The following ME1 variants were observed in gnomAD, a reference collection of about 807,000 sequenced individuals.
ME1 encodes the protein NADP-dependent malic enzyme.
ME1 carries 74 observed loss-of-function variants against 66.4 expected under a neutral mutation model. The ratio of observed to expected loss-of-function variants is 1.11; its 90% CI spans 0.92 to 1.35. ME1 has a LOEUF of 1.35. Among genes scored for constraint, ME1 ranks in the 40% most tolerant of loss-of-function variants. ME1 has a pLI of 0.00. For missense variants in ME1, 750 were observed against 694.1 expected, an observed-to-expected ratio of 1.08 and a Z score of -0.90; for synonymous variants, 251 against 235.6, an observed-to-expected ratio of 1.07 and a Z score of -0.60.
intron 3 of ME1, among the ~76,000 whole-genome samples, chr6:83,375,467 T>C (rs976490782): frequency 6.6e-6 from 1 of 152,198 alleles, no homozygotes; most frequent in African/African-American, 2.4e-5. Context: ...TTGCTGCAGT[T>C]GCTTACCAGC....
At chr6:83,384,907 T>C (rs1036982925) in intron 3 of ME1, among the ~76,000 whole-genome samples, 6 of 151,958 alleles carry the variant, frequency 3.9e-5, no homozygotes, top group Non-Finnish European at 5.9e-5. Context: ...TTTGTTATTG[T>C]TGACTTTGTC....
intron 5 of ME1, among the ~76,000 whole-genome samples, chr6:83,322,662 G>A (rs1175738016): frequency 6.6e-6 from 1 of 152,188 alleles, no homozygotes; most frequent in African/African-American, 2.4e-5. Context: ...TATGTGAAAA[G>A]GCCAAACTGA....
At chr6:83,233,740 T>C (rs60675658) in intron 9 of ME1, among the ~76,000 whole-genome samples, 15,495 of 151,506 alleles carry the variant, frequency 0.1, 1,036 homozygotes, top group East Asian at 0.25. Context: ...ATAAAATTAT[T>C]ATTATTGGTT....
intron 9 of ME1, among the ~76,000 whole-genome samples, chr6:83,230,548 T>C (rs1237202302): frequency 1.3e-5 from 2 of 152,142 alleles, no homozygotes; most frequent in African/African-American, 2.4e-5. Flanking sequence ...AAGAGCTCTA[T>C]GCTAGTTGTT....
chr6:83,218,491 G>A (rs2300464), intron 12 of ME1, among the ~76,000 whole-genome samples: 28,937 of 152,026 alleles, frequency 0.19, 3,844 homozygotes, highest in African/African-American at 0.36. Flanking sequence ...GACAGACAGG[G>A]TGGCTGTAAG....
Position 83,215,019 on chromosome 6 carries a change from T to C in ME1, c.1548+1479A>G, listed in dbSNP as rs1241760812. 2.0e-5 allele frequency among the ~76,000 whole-genome samples: 3 copies of C among 152,356 alleles called. No homozygotes were observed. In the East Asian group the frequency reaches 5.8e-4, roughly 29 times the overall value. Reference sequence around the variant, plus strand: ...AAATGAACTTAAAATGATAATATGCTATTCAGTATATTAATAGTTTAAACT... The same window carrying C: ...AAATGAACTTAAAATGATAATATGCCATTCAGTATATTAATAGTTTAAACT... On this transcript the variant is annotated intron_variant, in intron 13 of 13. Coordinates refer to ENST00000369705, the MANE Select transcript of ME1 (RefSeq NM_002395.6).
chr6:83,283,828 T>C (rs1291896086), intron 6 of ME1, among the ~76,000 whole-genome samples: 2 of 152,036 alleles, frequency 1.3e-5, no homozygotes, highest in South Asian at 2.1e-4. Context: ...CTAGAGGAAC[T>C]AGAGGAACAA....
chr6:83,424,096 C>CAA (rs34763202), intron 1 of ME1, among the ~76,000 whole-genome samples: 18 of 114,940 alleles, frequency 1.6e-4, no homozygotes, highest in African/African-American at 4.8e-4. Context: ...GACCCTGTCT[C>CAA]AAAAAAAAAA....
chr6:83,212,018 G>A lies in ME1; in HGVS notation c.1625C>T (p.Ser542Phe), dbSNP rs1486325868. 1.2e-6 allele frequency: 2 copies of A among 1,613,164 alleles called. No individual in the cohort carries two copies. The highest frequency in any genetic ancestry group is 1.1e-5 in the South Asian group (1 of 90,986). ...GTCATAATCAGTACTATACATCTGG[G>A]AGCGGACAAATGCTTCTTTGTTTTG... ...EPQNKEAFVR[S>F]QMYSTDYDQI... The change falls in exon 14 of 14, where the codon TCC (serine) becomes TTC (phenylalanine). Residue 542 changes from serine (S) to phenylalanine (F), a missense_variant. Coordinates refer to ENST00000369705, the MANE Select transcript of ME1 (RefSeq NM_002395.6).
intron 6 of ME1, among the ~76,000 whole-genome samples, chr6:83,312,008 C>T (rs1039334440): frequency 1.8e-4 from 28 of 152,048 alleles, no homozygotes; most frequent in African/African-American, 5.6e-4. Flanking sequence ...TGCTCAGCTT[C>T]CGAACCTGAG....
intron 6 of ME1, among the ~76,000 whole-genome samples, chr6:83,257,179 C>T (rs994586703): frequency 2.0e-5 from 3 of 151,424 alleles, no homozygotes; most frequent in East Asian, 1.9e-4. Flanking sequence ...TACCCCAGAA[C>T]TTAAAGTATA....
At chr6:83,398,313 A>C (rs1769778372) in intron 3 of ME1, 54 bp downstream of exon 3, 11 of 1,281,482 alleles carry the variant, frequency 8.6e-6, no homozygotes, top group Middle Eastern at 2.0e-4. Context: ...TCGTTAAAAA[A>C]CTTACAAAAA....
At chr6:83,253,881 T>C (rs1326987478) in intron 6 of ME1, 143 bp from the exon 7 acceptor site, 6 of 521,942 alleles carry the variant, frequency 1.1e-5, no homozygotes, top group African/African-American at 7.5e-5. Context: ...ATATGTAATA[T>C]AATATCTGTT....
intron 6 of ME1, among the ~76,000 whole-genome samples, chr6:83,307,841 A>G (rs1240526048): frequency 6.6e-6 from 1 of 152,142 alleles, no homozygotes; most frequent in Non-Finnish European, 1.5e-5. Context: ...ATTAATTTAC[A>G]TATTTGATGC....
intron 5 of ME1, among the ~76,000 whole-genome samples, chr6:83,321,110 A>G (rs1035950185): frequency 1.3e-5 from 2 of 152,152 alleles, no homozygotes; most frequent in African/African-American, 2.4e-5. Context: ...CTGAGCGACT[A>G]TGCACTCTGG....
At chr6:83,287,277 T>A (rs1048395003) in intron 6 of ME1, among the ~76,000 whole-genome samples, 4 of 152,070 alleles carry the variant, frequency 2.6e-5, no homozygotes, top group African/African-American at 9.7e-5. Flanking sequence ...CTACATTAGG[T>A]ATTTCTCCTA....
chr6:83,350,126 A>G (rs747026901), intron 4 of ME1, among the ~76,000 whole-genome samples: 2 of 152,180 alleles, frequency 1.3e-5, no homozygotes, highest in African/African-American at 4.8e-5. Flanking sequence ...TTTCAAGTAT[A>G]TAGTACAGAC....
At chr6:83,316,628 CTTT>C (rs1009479798) in intron 5 of ME1, among the ~76,000 whole-genome samples, 4 of 151,618 alleles carry the variant, frequency 2.6e-5, no homozygotes, top group Non-Finnish European at 5.9e-5. Context: ...AGAAGCAAAA[CTTT>C]TTTATTTGTA....
chr6:83,311,553 G>A (rs981322078), intron 6 of ME1, among the ~76,000 whole-genome samples: 3 of 152,136 alleles, frequency 2.0e-5, no homozygotes, highest in African/African-American at 4.8e-5. Context: ...ATAGACACAT[G>A]TAAAAGCCAG....
Sources: gnomAD v4.1 joint callset for allele counts (sites outside exome capture counted in the v4.1 genomes callset) on GRCh38, gnomAD v4.1.1 for gene constraint, MANE v1.5 for transcripts, NCBI Gene and HGNC (gene_info 2026-07-23, HGNC 2026-07-21) for gene names.